The following IMMP2L variants were observed in gnomAD, a reference collection of about 807,000 sequenced individuals.
The protein encoded by IMMP2L is mitochondrial inner membrane protease subunit 2.
IMMP2L carries 18 observed loss-of-function variants against 19.3 expected under a neutral mutation model. The ratio of observed to expected loss-of-function variants is 0.93; its 90% confidence interval spans 0.64 to 1.38. The LOEUF is 1.38. IMMP2L is among the 40% of genes most tolerant of loss of function. IMMP2L has a pLI of 0.00. For synonymous variants in IMMP2L, 76 were observed against 73.0 expected, an observed-to-expected ratio of 1.04 and a Z score of -0.21; for missense variants, 233 against 218.2, an observed-to-expected ratio of 1.07 and a Z score of -0.43.
At position 110,896,775 on chromosome 7, in the gene IMMP2L, T is replaced by C. The variant is rs113644024; in HGVS notation, c.306-10080A>G. ...AGGTCTTTTGCATATGCTAGTATGATAGTTATATAGGGAAAAATACATTTC... is the reference window on the plus strand; with the variant it reads ...AGGTCTTTTGCATATGCTAGTATGACAGTTATATAGGGAAAAATACATTTC... On this transcript the variant is annotated intron_variant, in intron 4 of 5. Coordinates refer to ENST00000405709, the MANE Select transcript of IMMP2L (RefSeq NM_032549.4). Among the ~76,000 whole-genome samples, 901 of 152,198 alleles carry C rather than the reference T, an allele frequency of 5.9e-3. 7 individuals are homozygous for C. Among genetic ancestry groups the C allele is most frequent in the African/African-American group, 0.021 (876 of 41,530 alleles).
chr7:111,277,837 T>A (rs1356134971), intron 3 of IMMP2L, among the ~76,000 whole-genome samples: 5 of 152,130 alleles, frequency 3.3e-5, no homozygotes, highest in Non-Finnish European at 7.4e-5. Flanking sequence ...TCGACCTAAG[T>A]GCCCATCAGC....
chr7:111,175,961 G>T lies in IMMP2L; in HGVS notation c.240-212396C>A, dbSNP rs532428783. Among the ~76,000 whole-genome samples the T allele has an allele frequency of 3.3e-5, 5 of 151,962 alleles. No homozygotes were observed. In the South Asian group the frequency reaches 1.0e-3, roughly 32 times the overall value. On this transcript the variant is annotated intron_variant, in intron 3 of 5. Transcript: ENST00000405709. Reference sequence around the variant, plus strand: ...ATAATCTGATTAAAAATGGGCAAAAGATCTGAATAGATATTTCTCAAAAGA... The same window carrying T: ...ATAATCTGATTAAAAATGGGCAAAATATCTGAATAGATATTTCTCAAAAGA...
intron 3 of IMMP2L, among the ~76,000 whole-genome samples, chr7:111,134,924 T>A (rs1453381191): frequency 6.6e-6 from 1 of 152,102 alleles, no homozygotes; most frequent in Non-Finnish European, 1.5e-5. Flanking sequence ...TTCACTATGG[T>A]ATCAATAATA....
chr7:111,064,154 G>A (rs945421996), intron 3 of IMMP2L, among the ~76,000 whole-genome samples: 4 of 152,090 alleles, frequency 2.6e-5, no homozygotes, highest in Admixed American at 6.6e-5. Context: ...ACAATCACAC[G>A]GCGGCAGACG....
chr7:111,176,226 A>G (rs879428390), intron 3 of IMMP2L, among the ~76,000 whole-genome samples: 14 of 152,088 alleles, frequency 9.2e-5, no homozygotes, highest in Middle Eastern at 3.4e-3. Flanking sequence ...CATAAAACTA[A>G]AAATAGAACT....
intron 3 of IMMP2L, among the ~76,000 whole-genome samples, chr7:110,999,173 T>A (rs147596377): frequency 1.3e-5 from 2 of 152,134 alleles, no homozygotes; most frequent in African/African-American, 2.4e-5. Flanking sequence ...TATAATCTCA[T>A]CTTTATCCTT....
At chr7:111,235,912 T>C (rs1814254129) in intron 3 of IMMP2L, among the ~76,000 whole-genome samples, 1 of 152,122 alleles carries the variant, frequency 6.6e-6, no homozygotes, top group Admixed American at 6.6e-5. Context: ...TAGTTTCTAT[T>C]GTTATGATGT....
Position 110,833,569 on chromosome 7 carries a change from A to C in IMMP2L, c.408+53024T>G, listed in dbSNP as rs372327133. Among the ~76,000 whole-genome samples, 2 of 152,242 alleles carry C rather than the reference A, an allele frequency of 1.3e-5. 1 individual carries two copies. Among genetic ancestry groups the C allele is most frequent in the African/African-American group, 4.8e-5 (2 of 41,546 alleles). On this transcript the variant is annotated intron_variant, in intron 5 of 5. Coordinates refer to ENST00000405709, the MANE Select transcript of IMMP2L (RefSeq NM_032549.4). ...CTGATTTTTAGAGACTTCATAGTACATTCACTGAGGCAAAACAATAAATTT... is the reference window on the plus strand; with the variant it reads ...CTGATTTTTAGAGACTTCATAGTACCTTCACTGAGGCAAAACAATAAATTT...
chr7:111,221,472 C>T (rs1812502820), intron 3 of IMMP2L, among the ~76,000 whole-genome samples: 1 of 151,706 alleles, frequency 6.6e-6, no homozygotes, highest in African/African-American at 2.4e-5. Context: ...TTCCTATAGA[C>T]AAGTAACAAG....
At chr7:111,299,116 A>G (rs1479886538) in intron 3 of IMMP2L, among the ~76,000 whole-genome samples, 1 of 152,166 alleles carries the variant, frequency 6.6e-6, no homozygotes, top group Non-Finnish European at 1.5e-5. Context: ...AATGTCATTG[A>G]GACTTAAGAA....
At position 111,281,206 on chromosome 7, in the gene IMMP2L, GAAAGAAAGAAAA is replaced by G. The variant is rs1385252506; in HGVS notation, c.239+206020_239+206031del. Among the ~76,000 whole-genome samples, 174 of 40,348 alleles carry G rather than the reference GAAAGAAAGAAAA, an allele frequency of 4.3e-3. 3 individuals carry two copies. The East Asian group carries it at 0.049, about 11-fold the overall frequency. The allele number at this position is 40,348 out of a possible 152,430, so 26.5% of individuals were successfully genotyped here. A position where few individuals can be genotyped will look rare whatever the true frequency, so the allele number is the denominator to read the frequency against. ...AGAAAGAAAGAAAGAAAGAAAGAAAGAAAGAAAGAAAAAGAAAGAAAGAAAGAAAGAAAGAAA... is the reference window on the plus strand; with the variant it reads ...AGAAAGAAAGAAAGAAAGAAAGAAAGAGAAAGAAAGAAAGAAAGAAAGAAA... On this transcript the variant is annotated intron_variant, in intron 3 of 5. Coordinates refer to ENST00000405709, the MANE Select transcript of IMMP2L (RefSeq NM_032549.4).
intron 5 of IMMP2L, among the ~76,000 whole-genome samples, chr7:110,822,893 T>C (rs1213644799): frequency 6.6e-6 from 1 of 152,144 alleles, no homozygotes; most frequent in Non-Finnish European, 1.5e-5. Context: ...GAAGTATGTC[T>C]TATTCTATGT....
chr7:110,669,763 T>C lies in IMMP2L; in HGVS notation c.409-6042A>G, dbSNP rs565428404. On this transcript the variant is annotated intron_variant, in intron 5 of 5. Transcript: ENST00000405709. ...AGCTGAGACTCAAATGCATGAACTCTGGTTCTAGAAGCTTTCTATCAGGAT... is the reference window on the plus strand; with the variant it reads ...AGCTGAGACTCAAATGCATGAACTCCGGTTCTAGAAGCTTTCTATCAGGAT... Among the ~76,000 whole-genome samples the C allele has an allele frequency of 8.5e-4, 129 of 152,330 alleles. 1 individual carries two copies. The highest frequency in any genetic ancestry group is 2.8e-3 in the African/African-American group (118 of 41,574).
chr7:111,290,823 T>TACAAAC (rs1554432420), intron 3 of IMMP2L, among the ~76,000 whole-genome samples: 1 of 108,252 alleles, frequency 9.2e-6, no homozygotes, highest in East Asian at 2.4e-4. Context: ...TATATATATA[T>TACAAAC]ACAAACACAC....
At chr7:111,067,005 T>C (rs1473593107) in intron 3 of IMMP2L, among the ~76,000 whole-genome samples, 1 of 152,168 alleles carries the variant, frequency 6.6e-6, no homozygotes, top group East Asian at 1.9e-4. Flanking sequence ...ACTCTATCCA[T>C]ATTGTCATAC....
At chr7:111,515,537 T>C (rs1156661719) in intron 2 of IMMP2L, among the ~76,000 whole-genome samples, 1 of 152,180 alleles carries the variant, frequency 6.6e-6, no homozygotes, top group Non-Finnish European at 1.5e-5. Flanking sequence ...CTTTAATGTA[T>C]ACTTACTGCC....
At chr7:111,124,874 T>G (rs201893306) in intron 3 of IMMP2L, 3 of 1,596,988 alleles carry the variant, frequency 1.9e-6, no homozygotes, top group Non-Finnish European at 2.6e-6. Context: ...GCAACTGTTA[T>G]AGGTTTACCA....
chr7:110,677,237 A>C (rs1792373510), intron 5 of IMMP2L, among the ~76,000 whole-genome samples: 2 of 152,204 alleles, frequency 1.3e-5, no homozygotes, highest in African/African-American at 4.8e-5. Context: ...GTTTAAGTAA[A>C]TCAAACAGAA....
At chr7:111,417,121 T>C (rs28489628) in intron 3 of IMMP2L, among the ~76,000 whole-genome samples, 13,188 of 151,734 alleles carry the variant, frequency 0.087, 830 homozygotes, top group African/African-American at 0.13. Context: ...ACAGTACTTA[T>C]TTGACAGAGT....
Sources: allele counts gnomAD v4.1 joint callset (sites outside exome capture counted in the v4.1 genomes callset), GRCh38; gene constraint gnomAD v4.1.1; transcripts MANE v1.5; gene names NCBI Gene and HGNC (gene_info 2026-07-23, HGNC 2026-07-21).